Variants in SLC6A2 observed in about 807,000 individuals in gnomAD.
The protein encoded by SLC6A2 is sodium-dependent noradrenaline transporter.
Under a neutral mutation model 71.7 loss-of-function variants are expected in SLC6A2, and 26 were observed. The ratio of observed to expected loss-of-function variants is 0.36; its 90% CI spans 0.27 to 0.50. SLC6A2 has a LOEUF of 0.50. Ranked by LOEUF, SLC6A2 falls within the 20% of genes least tolerant of loss-of-function variation. The pLI, the probability that SLC6A2 is intolerant of heterozygous loss-of-function variation, is 0.96. For missense variants in SLC6A2, 581 were observed against 803.9 expected (o/e 0.72, Z 3.35); for synonymous variants, 363 against 337.9 (o/e 1.07, Z -0.82).
chr16:55,660,639 G>C (rs11076111), intron 2 of SLC6A2, among the ~76,000 whole-genome samples: 113,780 of 152,104 alleles, frequency 0.75, 42,727 homozygotes, highest in African/African-American at 0.81. Flanking sequence ...CTGCCTCTCA[G>C]TGTGTGATCT....
At chr16:55,691,843 G>A in intron 5 of SLC6A2, 75 bp from the exon 6 acceptor site, 1 of 1,542,370 alleles carries the variant, frequency 6.5e-7, no homozygotes, top group Non-Finnish European at 8.9e-7. Flanking sequence ...CCTGGGAAAG[G>A]GCTCTGTGCC....
rs1473670482 is a variant in SLC6A2 at position 55,687,450 on chromosome 16, T to C, written c.783+2169T>C. Among the ~76,000 whole-genome samples the C allele has an allele frequency of 2.6e-5, 4 of 152,268 alleles. No individual in the cohort carries two copies. In the East Asian group the frequency reaches 5.8e-4, roughly 22 times the overall value. Reference sequence around the variant, plus strand: ...TAGAGAAGGTGGCATTCGAGCTGGGTCTACAAAGTCAGGTGCAGGTAGAGG... The same window carrying C: ...TAGAGAAGGTGGCATTCGAGCTGGGCCTACAAAGTCAGGTGCAGGTAGAGG... On this transcript the variant is annotated intron_variant, in intron 5 of 14. Coordinates refer to ENST00000568943, the MANE Select transcript of SLC6A2 (RefSeq NM_001172501.3).
At chr16:55,692,395 C>T (rs1965662814) in intron 6 of SLC6A2, among the ~76,000 whole-genome samples, 1 of 152,214 alleles carries the variant, frequency 6.6e-6, no homozygotes, top group Non-Finnish European at 1.5e-5. Context: ...TCCACCCCAG[C>T]CATTCCCTGC....
chr16:55,671,291 C>T (rs1964902771), intron 3 of SLC6A2, among the ~76,000 whole-genome samples: 1 of 152,132 alleles, frequency 6.6e-6, no homozygotes, highest in Admixed American at 6.5e-5. Context: ...TTATCCTGCC[C>T]AGGGGGCGAG....
chr16:55,693,122 C>G (rs1276989528), intron 6 of SLC6A2, among the ~76,000 whole-genome samples: 2 of 152,212 alleles, frequency 1.3e-5, no homozygotes, highest in Non-Finnish European at 2.9e-5. Context: ...CGCGGTGGCT[C>G]ACGCCTGTAA....
At chr16:55,691,830 C>A in intron 5 of SLC6A2, 88 bp from the exon 6 acceptor site, 1 of 1,458,630 alleles carries the variant, frequency 6.9e-7, no homozygotes, top group Non-Finnish European at 9.6e-7. Flanking sequence ...GCATGACTGG[C>A]TCCCTGGGAA....
chr16:55,669,737 G>C (rs760755988), intron 3 of SLC6A2, 41 bp downstream of exon 3: 11 of 1,612,342 alleles, frequency 6.8e-6, no homozygotes, highest in South Asian at 1.1e-5. Flanking sequence ...GTTCATAAAG[G>C]CTTCCCTGTT....
At chr16:55,676,449 A>G (rs1224690339) in intron 4 of SLC6A2, among the ~76,000 whole-genome samples, 1 of 152,092 alleles carries the variant, frequency 6.6e-6, no homozygotes. Context: ...CAACCACACA[A>G]CTATTACTGC....
At chr16:55,668,123 A>G (rs1173603524) in intron 2 of SLC6A2, among the ~76,000 whole-genome samples, 8 of 151,392 alleles carry the variant, frequency 5.3e-5, no homozygotes, top group Non-Finnish European at 1.2e-4. Flanking sequence ...TCTTCTACTC[A>G]CAAGGGACTA....
intron 7 of SLC6A2, among the ~76,000 whole-genome samples, chr16:55,694,824 G>A (rs1287211849): frequency 6.6e-6 from 1 of 152,182 alleles, no homozygotes; most frequent in East Asian, 1.9e-4. Flanking sequence ...GGAGTGGACT[G>A]CATGCACTGG....
At chr16:55,688,780 G>A (rs1214240015) in intron 5 of SLC6A2, among the ~76,000 whole-genome samples, 1 of 152,192 alleles carries the variant, frequency 6.6e-6, no homozygotes, top group Admixed American at 6.5e-5. Flanking sequence ...TCATAGCAAG[G>A]CTTGCACAAC....
Position 55,706,173 on chromosome 16 carries a change from A to C in SLC6A2, c.*3827A>C, listed in dbSNP as rs1274438373. 6.6e-6 allele frequency: 1 copy of C among 152,210 alleles called. No individual in the cohort carries two copies. The highest frequency in any genetic ancestry group is 1.5e-5 in the Non-Finnish European group (1 of 68,048). 9.4% of individuals were successfully genotyped at this position (152,210 alleles called of 1,614,324 possible). The stretch of plus-strand genomic sequence containing the variant: ...AATATAAGTGTACAGAATAATAAAT[A>C]ATGTTTCCTGGGCTGTGTATCTGGT... On this transcript the variant is annotated 3_prime_UTR_variant, in exon 15 of 15. Coordinates refer to ENST00000568943, the MANE Select transcript of SLC6A2 (RefSeq NM_001172501.3).
At chr16:55,678,633 T>C (rs1384794782) in intron 4 of SLC6A2, among the ~76,000 whole-genome samples, 1 of 152,168 alleles carries the variant, frequency 6.6e-6, no homozygotes. Context: ...TTGGTGAACA[T>C]GTGCCTGGCA....
intron 4 of SLC6A2, among the ~76,000 whole-genome samples, chr16:55,675,349 G>T: frequency 6.6e-6 from 1 of 152,204 alleles, no homozygotes; most frequent in East Asian, 1.9e-4. Context: ...CACCCTCAGG[G>T]CATTCATGGT....
intron 5 of SLC6A2, among the ~76,000 whole-genome samples, chr16:55,686,081 C>T (rs1247134654): frequency 2.0e-5 from 3 of 152,288 alleles, no homozygotes; most frequent in South Asian, 2.1e-4. Flanking sequence ...TGCTGTGCAA[C>T]AAACCACCCC....
At chr16:55,689,212 T>C (rs1482086339) in intron 5 of SLC6A2, among the ~76,000 whole-genome samples, 1 of 152,222 alleles carries the variant, frequency 6.6e-6, no homozygotes, top group Non-Finnish European at 1.5e-5. Flanking sequence ...ATGAGTGAAC[T>C]GTTAGCCAAA....
At position 55,685,213 on chromosome 16, in the gene SLC6A2, C is replaced by T. The variant is rs1290698751; in HGVS notation, c.715C>T (p.Leu239Phe). The T allele has an allele frequency of 2.5e-6, 4 of 1,614,096 alleles. No individual in the cohort carries two copies. The Middle Eastern group carries it at 4.9e-4, about 200-fold the overall frequency. Reference protein sequence around the residue: ...DIGLPQWQLLLCLMVVVIVLY... With the variant: ...DIGLPQWQLLFCLMVVVIVLY... ...CGGCCTGCCCCAGTGGCAGCTCTTG[C>T]TCTGTCTGATGGTCGTCGTCATCGT... Residue 239 changes from leucine to phenylalanine, a missense_variant, in exon 5 of 15, where the codon CTC becomes TTC. Leu to Phe is a conservative substitution (Grantham distance 22). This residue lies in a region of SLC6A2 where 87 missense variants were observed against 99.5 expected (regional missense o/e 0.87). Coordinates refer to ENST00000568943, the MANE Select transcript of SLC6A2 (RefSeq NM_001172501.3).
chr16:55,676,236 C>T (rs145914075), intron 4 of SLC6A2, among the ~76,000 whole-genome samples: 1 of 152,344 alleles, frequency 6.6e-6, no homozygotes, highest in East Asian at 1.9e-4. Flanking sequence ...TGTCACTGAA[C>T]ATCAGCATCT....
intron 2 of SLC6A2, among the ~76,000 whole-genome samples, chr16:55,662,256 A>C (rs1964630170): frequency 6.6e-6 from 1 of 152,234 alleles, no homozygotes; most frequent in Admixed American, 6.5e-5. Flanking sequence ...CTAACTGCCT[A>C]AGTAAGGATT....
Sources: gnomAD v4.1 joint callset for allele counts (sites outside exome capture counted in the v4.1 genomes callset) on GRCh38, gnomAD v4.1.1 for gene constraint, gnomAD v4.1.1 regional missense constraint, MANE v1.5 for transcripts, NCBI Gene and HGNC (gene_info 2026-07-23, HGNC 2026-07-21) for gene names.